The following UBE2E3 variants were observed in gnomAD, a reference collection of about 807,000 sequenced individuals.
UBE2E3 encodes ubiquitin-conjugating enzyme E2 E3.
In UBE2E3, 5 loss-of-function variants were observed where a neutral mutation model predicts 23.6. The ratio of observed to expected loss-of-function variants is 0.21; its 90% confidence interval spans 0.11 to 0.44. The LOEUF (loss-of-function observed/expected upper bound fraction) is 0.44, where lower values mean the gene tolerates loss of function less well. Ranked by LOEUF, UBE2E3 falls within the 20% of genes least tolerant of loss-of-function variation. The pLI is 0.99. For synonymous variants in UBE2E3, 78 were observed against 87.5 expected (o/e 0.89, Z 0.60); for missense variants, 81 against 249.8 (o/e 0.32, Z 4.55).
Position 181,017,608 on chromosome 2 carries a change from T to A in UBE2E3, c.245+33515T>A, listed in dbSNP as rs114658525. Among the ~76,000 whole-genome samples, 1,096 of 151,668 alleles carry A rather than the reference T, an allele frequency of 7.2e-3. 9 individuals are homozygous for A. The highest frequency in any genetic ancestry group is 9.1e-3 in the Non-Finnish European group (616 of 67,956). On this transcript the variant is annotated intron_variant, in intron 3 of 5. Transcript: ENST00000410062. ...TTGGGAAATGTAGCTTTTTCTAGAC[T>A]GGATTCATCTATGCCTTCCTACTCT... is the stretch of plus-strand genomic sequence containing the variant.
intron 3 of UBE2E3, among the ~76,000 whole-genome samples, chr2:181,040,429 GA>G (rs1172626509): frequency 6.6e-6 from 1 of 152,062 alleles, no homozygotes; most frequent in Non-Finnish European, 1.5e-5. Flanking sequence ...TAGTGGATAG[GA>G]AAATTTTTTT....
chr2:181,015,394 T>G (rs1391925278), intron 3 of UBE2E3, among the ~76,000 whole-genome samples: 4 of 152,154 alleles, frequency 2.6e-5, no homozygotes, highest in African/African-American at 9.7e-5. Flanking sequence ...ATTTTGTCAA[T>G]AACTACAGTG....
chr2:181,047,109 C>T (rs1158645637), intron 3 of UBE2E3, among the ~76,000 whole-genome samples: 1 of 152,120 alleles, frequency 6.6e-6, no homozygotes, highest in African/African-American at 2.4e-5. Context: ...GGCATGATCA[C>T]CACATGACTA....
intron 3 of UBE2E3, among the ~76,000 whole-genome samples, chr2:181,054,089 T>C (rs1686921156): frequency 6.6e-6 from 1 of 151,842 alleles, no homozygotes; most frequent in Admixed American, 6.6e-5. Context: ...ATATATCCAT[T>C]CACCTACTGA....
At chr2:181,019,802 A>G (rs1294448159) in intron 3 of UBE2E3, among the ~76,000 whole-genome samples, 1 of 152,178 alleles carries the variant, frequency 6.6e-6, no homozygotes, top group Non-Finnish European at 1.5e-5. Flanking sequence ...CGTAGCCTTC[A>G]CCTTACATAC....
chr2:181,052,580 G>T (rs998001602), intron 3 of UBE2E3, among the ~76,000 whole-genome samples: 8 of 151,848 alleles, frequency 5.3e-5, no homozygotes, highest in African/African-American at 1.9e-4. Context: ...AGTGCTGAAA[G>T]TTAACAGTGC....
chr2:180,997,092 C>T (rs1684845231), intron 3 of UBE2E3, among the ~76,000 whole-genome samples: 1 of 150,420 alleles, frequency 6.6e-6, no homozygotes, highest in South Asian at 2.1e-4. Context: ...TTTCTGTTAC[C>T]CCATTGCCTC....
chr2:180,995,472 T>C (rs1218856945), intron 3 of UBE2E3, among the ~76,000 whole-genome samples: 2 of 152,190 alleles, frequency 1.3e-5, no homozygotes, highest in Non-Finnish European at 2.9e-5. Context: ...TTTCTGTTAT[T>C]GGTAAGGCTT....
At chr2:181,058,736 A>G (rs956491101) in intron 4 of UBE2E3, among the ~76,000 whole-genome samples, 14 of 151,712 alleles carry the variant, frequency 9.2e-5, no homozygotes, top group African/African-American at 3.4e-4. Context: ...GTATATGTAT[A>G]TGTGCACATA....
chr2:180,993,320 A>G (rs1326251860), intron 3 of UBE2E3, among the ~76,000 whole-genome samples: 2 of 152,192 alleles, frequency 1.3e-5, no homozygotes, highest in Non-Finnish European at 1.5e-5. Flanking sequence ...CTTTGAAAGG[A>G]ACTGTGGTGT....
chr2:181,000,705 C>A (rs932828192), intron 3 of UBE2E3, among the ~76,000 whole-genome samples: 4 of 152,070 alleles, frequency 2.6e-5, no homozygotes, highest in African/African-American at 9.7e-5. Context: ...CAGGCGCCCA[C>A]CACCACACCT....
chr2:181,060,578 T>C, intron 4 of UBE2E3, 87 bp from the exon 5 acceptor site: 1 of 1,223,894 alleles, frequency 8.2e-7, no homozygotes, highest in African/African-American at 1.6e-5. Flanking sequence ...GTATCATCTA[T>C]GATATATTAC....
chr2:180,987,424 T>C, intron 3 of UBE2E3: 2 of 1,548,742 alleles, frequency 1.3e-6, no homozygotes, highest in Non-Finnish European at 1.7e-6. Flanking sequence ...ACCCCTAATT[T>C]CTTTCCATAT....
At chr2:181,006,603 TTAAC>T (rs879329775) in intron 3 of UBE2E3, among the ~76,000 whole-genome samples, 1 of 152,190 alleles carries the variant, frequency 6.6e-6, no homozygotes, top group Non-Finnish European at 1.5e-5. Flanking sequence ...AAATTCAAAT[TTAAC>T]TGAGTAGTTT....
At chr2:181,000,085 A>T (rs1684946896) in intron 3 of UBE2E3, among the ~76,000 whole-genome samples, 1 of 152,176 alleles carries the variant, frequency 6.6e-6, no homozygotes, top group Non-Finnish European at 1.5e-5. Context: ...GCCTTTTGCA[A>T]TTTTTGTTCT....
At chr2:181,044,100 C>T (rs1686600212) in intron 3 of UBE2E3, among the ~76,000 whole-genome samples, 1 of 152,044 alleles carries the variant, frequency 6.6e-6, no homozygotes, top group African/African-American at 2.4e-5. Flanking sequence ...TGTATTTCTC[C>T]TCCGATCTAG....
At chr2:181,008,984 A>G (rs565242943) in intron 3 of UBE2E3, among the ~76,000 whole-genome samples, 25 of 151,880 alleles carry the variant, frequency 1.6e-4, no homozygotes, top group Non-Finnish European at 3.1e-4. Context: ...TGAATGAAAC[A>G]TCATTGGATC....
intron 4 of UBE2E3, 45 bp downstream of exon 4, chr2:181,057,870 C>T (rs1687029968): frequency 6.3e-7 from 1 of 1,587,432 alleles, no homozygotes; most frequent in Non-Finnish European, 8.6e-7. Context: ...TCCTTCTCCT[C>T]TAAAATCGGT....
chr2:181,026,216 A>G (rs895149614), intron 3 of UBE2E3, among the ~76,000 whole-genome samples: 1 of 151,958 alleles, frequency 6.6e-6, no homozygotes, highest in Admixed American at 6.6e-5. Context: ...ATTGAAGCTA[A>G]TACTTTAGAT....
Sources: gnomAD v4.1 joint callset for allele counts (sites outside exome capture counted in the v4.1 genomes callset) on GRCh38, gnomAD v4.1.1 for gene constraint, MANE v1.5 for transcripts, NCBI Gene and HGNC (gene_info 2026-07-23, HGNC 2026-07-21) for gene names.